Variants in UCK2 observed in about 807,000 individuals in gnomAD.
The protein encoded by UCK2 is cytidine monophosphokinase 2.
Under a neutral mutation model 30.8 loss-of-function variants are expected in UCK2, and 6 were observed. The observed-to-expected ratio is 0.19, with a 90% CI of 0.11 to 0.38. The LOEUF (loss-of-function observed/expected upper bound fraction) is 0.38, where lower values mean the gene tolerates loss of function less well. Among genes scored for constraint, UCK2 ranks in the 10% least tolerant of loss-of-function variants. UCK2 has a pLI of 1.00. For synonymous variants in UCK2, 125 were observed against 133.6 expected (o/e 0.94, Z 0.45); for missense variants, 210 against 339.8 (o/e 0.62, Z 3.00).
At chr1:165,841,341 AC>A (rs1654326141) in intron 1 of UCK2, among the ~76,000 whole-genome samples, 1 of 151,592 alleles carries the variant, frequency 6.6e-6, no homozygotes, top group Admixed American at 6.6e-5. Flanking sequence ...CCACCACCAC[AC>A]CCAGCTAATT....
intron 6 of UCK2, among the ~76,000 whole-genome samples, chr1:165,906,890 T>G (rs868617197): frequency 1.3e-5 from 2 of 152,376 alleles, no homozygotes; most frequent in Middle Eastern, 3.4e-3. Flanking sequence ...AAAGGCATTC[T>G]TATTCATCAG....
rs904468887 is a variant in UCK2, at chr1:165,831,664, G to A, written c.99+3732G>A. 3.3e-5 allele frequency among the ~76,000 whole-genome samples: 5 copies of A among 152,246 alleles called. No homozygotes were observed. The East Asian group carries it at 9.6e-4, about 29-fold the overall frequency. ...TCTGGATGTGCCATTTTCCTTTTTG[G>A]AAACCTTGGGTAACTCCCCACTGCT... is the stretch of plus-strand genomic sequence containing the variant. On this transcript the variant is annotated intron_variant, in intron 1 of 6. Coordinates refer to ENST00000367879, the MANE Select transcript of UCK2 (RefSeq NM_012474.5).
intron 1 of UCK2, among the ~76,000 whole-genome samples, chr1:165,839,590 A>T (rs539043326): frequency 4.7e-4 from 71 of 152,290 alleles, no homozygotes; most frequent in African/African-American, 1.6e-3. Context: ...CTTCAAGTTA[A>T]GATAGAGAAT....
intron 1 of UCK2, among the ~76,000 whole-genome samples, chr1:165,858,535 A>G (rs894427660): frequency 1.3e-5 from 2 of 152,336 alleles, no homozygotes; most frequent in Admixed American, 1.3e-4. Flanking sequence ...GCCCAAGTCC[A>G]GGAAGGTTAT....
chr1:165,858,717 C>T (rs941617626), intron 1 of UCK2, among the ~76,000 whole-genome samples: 2 of 152,044 alleles, frequency 1.3e-5, no homozygotes, highest in African/African-American at 4.8e-5. Flanking sequence ...ACTTCTGGAC[C>T]CTGAGCCATA....
intron 2 of UCK2, 52 bp from the exon 3 acceptor site, chr1:165,891,174 G>A: frequency 6.7e-7 from 1 of 1,501,604 alleles, no homozygotes; most frequent in Non-Finnish European, 9.2e-7. Context: ...TATGATTATA[G>A]GAGATCCTAT....
At chr1:165,845,899 T>C (rs1168910593) in intron 1 of UCK2, among the ~76,000 whole-genome samples, 3 of 152,152 alleles carry the variant, frequency 2.0e-5, no homozygotes, top group African/African-American at 4.8e-5. Context: ...AACTCTGTAC[T>C]CCAGTGATCC....
chr1:165,827,997 G>A (rs1347153127), intron 1 of UCK2, 65 bp downstream of exon 1: 2 of 1,187,510 alleles, frequency 1.7e-6, no homozygotes, highest in Admixed American at 4.4e-5. Context: ...CATGTGGCCG[G>A]CGGCCGCGGG....
intron 1 of UCK2, among the ~76,000 whole-genome samples, chr1:165,831,698 G>A (rs562320523): frequency 1.3e-5 from 2 of 152,302 alleles, no homozygotes; most frequent in African/African-American, 4.8e-5. Context: ...CTCAGTACAG[G>A]TCAAACACTT....
chr1:165,858,514 C>T (rs1024370878), intron 1 of UCK2, among the ~76,000 whole-genome samples: 2 of 152,152 alleles, frequency 1.3e-5, no homozygotes, highest in African/African-American at 4.8e-5. Context: ...GAACTTGTCC[C>T]CGGAGAGAAT....
In UCK2 at chr1:165,896,424, C is replaced by G. The variant is rs997888748; in HGVS notation, c.499+92C>G. On this transcript the variant is annotated intron_variant, in intron 4 of 6. Transcript: ENST00000367879. The stretch of plus-strand genomic sequence containing the variant: ...GTGACAGGACCCCACCCGCCTGAGT[C>G]TGAAGCCCATGCCTTCCCTGAGGCA... 8.1e-6 allele frequency: 12 copies of G among 1,480,592 alleles called. No homozygotes were observed. The African/African-American group carries it at 1.7e-4, about 21-fold the overall frequency. 91.7% of individuals were successfully genotyped at this position (1,480,592 alleles called of 1,614,324 possible).
chr1:165,890,429 C>A, intron 2 of UCK2, 66 bp downstream of exon 2: 2 of 1,544,508 alleles, frequency 1.3e-6, no homozygotes, highest in Non-Finnish European at 1.8e-6. Context: ...TTTTATTTTG[C>A]TCATGAGGAA....
At chr1:165,831,225 C>A (rs1169128656) in intron 1 of UCK2, among the ~76,000 whole-genome samples, 1 of 151,984 alleles carries the variant, frequency 6.6e-6, no homozygotes, top group Non-Finnish European at 1.5e-5. Flanking sequence ...AGAGAGAGAC[C>A]CCGTCTCTAC....
At chr1:165,863,045 T>C (rs1255881735) in intron 1 of UCK2, among the ~76,000 whole-genome samples, 2 of 152,242 alleles carry the variant, frequency 1.3e-5, no homozygotes, top group Non-Finnish European at 2.9e-5. Flanking sequence ...AAACCTATTA[T>C]GTGCGAGCCA....
At chr1:165,834,010 T>G (rs1235678367) in intron 1 of UCK2, among the ~76,000 whole-genome samples, 1 of 152,168 alleles carries the variant, frequency 6.6e-6, no homozygotes, top group Non-Finnish European at 1.5e-5. Context: ...ATAATTTCTT[T>G]AATGGTATAA....
rs141022785 is a variant in UCK2, at chr1:165,844,965, C to T, written c.99+17033C>T. On this transcript the variant is annotated intron_variant, in intron 1 of 6. Transcript: ENST00000367879. ...GTTCCCTTTATAATAAATGGGTAAA[C>T]ATAAGTAAGTGTTTCTTTGAGCTCA... Among the ~76,000 whole-genome samples, 1,469 of 152,084 alleles carry T rather than the reference C, an allele frequency of 9.7e-3. 24 individuals are homozygous for T. The highest frequency in any genetic ancestry group is 0.033 in the African/African-American group (1,370 of 41,470).
At chr1:165,851,033 G>A (rs892888434) in intron 1 of UCK2, among the ~76,000 whole-genome samples, 1 of 149,854 alleles carries the variant, frequency 6.7e-6, no homozygotes, top group South Asian at 2.1e-4. Flanking sequence ...CAGAGTGCTG[G>A]GATTACAGGT....
At chr1:165,901,717 T>C (rs1300113459) in intron 4 of UCK2, among the ~76,000 whole-genome samples, 1 of 152,146 alleles carries the variant, frequency 6.6e-6, no homozygotes. Context: ...GCAGTTTTAA[T>C]TAAGAGAATC....
chr1:165,877,577 C>T (rs1655371619), intron 1 of UCK2, among the ~76,000 whole-genome samples: 1 of 152,178 alleles, frequency 6.6e-6, no homozygotes, highest in Non-Finnish European at 1.5e-5. Context: ...GAGATTCGTG[C>T]AGGTTGTTGT....
Sources: gnomAD v4.1 joint callset for allele counts (sites outside exome capture counted in the v4.1 genomes callset) on GRCh38, gnomAD v4.1.1 for gene constraint, MANE v1.5 for transcripts, NCBI Gene and HGNC (gene_info 2026-07-23, HGNC 2026-07-21) for gene names.